Variants in CDKAL1 observed in about 807,000 individuals in gnomAD.
CDKAL1 encodes CDKAL1 threonylcarbamoyladenosine tRNA methylthiotransferase.
CDKAL1 carries 32 observed loss-of-function variants against 68.2 expected under a neutral mutation model. The observed-to-expected ratio is 0.47, with a 90% CI of 0.35 to 0.63. The LOEUF (loss-of-function observed/expected upper bound fraction) is 0.63. Ranked by LOEUF, CDKAL1 falls within the 30% of genes least tolerant of loss-of-function variation. CDKAL1 has a pLI of 0.00. For missense variants in CDKAL1, 606 were observed against 696.7 expected, an observed-to-expected ratio of 0.87 and a Z score of 1.47; for synonymous variants, 234 against 244.3, an observed-to-expected ratio of 0.96 and a Z score of 0.39.
At chr6:20,769,235 T>C (rs1008250108) in intron 7 of CDKAL1, among the ~76,000 whole-genome samples, 8 of 150,936 alleles carry the variant, frequency 5.3e-5, no homozygotes, top group African/African-American at 1.9e-4. Context: ...ATTTAAGATG[T>C]CATTCACAAA....
chr6:20,952,747 C>T (rs1429778638), intron 9 of CDKAL1, among the ~76,000 whole-genome samples: 1 of 152,248 alleles, frequency 6.6e-6, no homozygotes, highest in East Asian at 1.9e-4. Flanking sequence ...CTGAAGCCCT[C>T]AGGTGCTCTG....
intron 10 of CDKAL1, among the ~76,000 whole-genome samples, chr6:20,968,851 G>T (rs1392839216): frequency 1.3e-5 from 2 of 151,734 alleles, no homozygotes; most frequent in Non-Finnish European, 2.9e-5. Context: ...TTAGTTTTTT[G>T]ATCATATTTA....
At chr6:20,834,833 G>A (rs575944364) in intron 8 of CDKAL1, among the ~76,000 whole-genome samples, 2 of 152,230 alleles carry the variant, frequency 1.3e-5, no homozygotes, top group South Asian at 4.2e-4. Flanking sequence ...TTATGGATGA[G>A]GACAGGAAGC....
chr6:20,584,430 A>G (rs1441485797), intron 4 of CDKAL1, among the ~76,000 whole-genome samples: 1 of 152,182 alleles, frequency 6.6e-6, no homozygotes, highest in Non-Finnish European at 1.5e-5. Context: ...GATATTAGAC[A>G]GGAAGTGCTT....
chr6:20,547,032 G>A (rs1326082057), intron 3 of CDKAL1, among the ~76,000 whole-genome samples: 1 of 151,618 alleles, frequency 6.6e-6, no homozygotes, highest in African/African-American at 2.4e-5. Flanking sequence ...TTTGGATTTC[G>A]GAATATTTGC....
chr6:20,602,008 G>C (rs1332845717), intron 4 of CDKAL1, among the ~76,000 whole-genome samples: 6 of 152,190 alleles, frequency 3.9e-5, no homozygotes, highest in Non-Finnish European at 8.8e-5. Context: ...TCTGCTGACA[G>C]TTAATAATAG....
chr6:20,931,642 T>A (rs1442035993), intron 9 of CDKAL1, among the ~76,000 whole-genome samples: 1 of 152,146 alleles, frequency 6.6e-6, no homozygotes, highest in Non-Finnish European at 1.5e-5. Flanking sequence ...GGAAAAAAAA[T>A]TTGGAAAACA....
intron 13 of CDKAL1, among the ~76,000 whole-genome samples, chr6:21,161,436 G>A (rs571737679): frequency 6.6e-5 from 10 of 152,162 alleles, no homozygotes; most frequent in Non-Finnish European, 1.5e-4. Context: ...GGTGCATGCT[G>A]TAGCTCTCTT....
At chr6:21,117,299 T>C (rs1311991406) in intron 13 of CDKAL1, among the ~76,000 whole-genome samples, 1 of 152,068 alleles carries the variant, frequency 6.6e-6, no homozygotes, top group Non-Finnish European at 1.5e-5. Flanking sequence ...TTTTTTTTTT[T>C]TTTTAGAATG....
At chr6:21,129,339 T>C (rs539782446) in intron 13 of CDKAL1, among the ~76,000 whole-genome samples, 2 of 152,134 alleles carry the variant, frequency 1.3e-5, no homozygotes, top group East Asian at 1.9e-4. Flanking sequence ...CAGCTGGAAA[T>C]CTAAAGGAGA....
At chr6:20,713,024 G>A (rs946365195) in intron 5 of CDKAL1, among the ~76,000 whole-genome samples, 2 of 151,084 alleles carry the variant, frequency 1.3e-5, no homozygotes, top group South Asian at 4.2e-4. Context: ...AAGGACTTGT[G>A]ATCATGTAGT....
intron 9 of CDKAL1, among the ~76,000 whole-genome samples, chr6:20,879,346 G>A (rs972376027): frequency 2.0e-5 from 3 of 152,308 alleles, no homozygotes; most frequent in East Asian, 1.9e-4. Flanking sequence ...TGGTCAGGAG[G>A]AGTAGAGTAC....
chr6:20,592,135 T>A (rs577439759), intron 4 of CDKAL1, among the ~76,000 whole-genome samples: 27 of 152,338 alleles, frequency 1.8e-4, no homozygotes, highest in Non-Finnish European at 3.1e-4. Context: ...TTGTAGCAAT[T>A]GTGAATGGGA....
intron 8 of CDKAL1, among the ~76,000 whole-genome samples, chr6:20,826,491 T>C (rs1777507603): frequency 1.3e-5 from 2 of 152,130 alleles, no homozygotes; most frequent in African/African-American, 4.8e-5. Flanking sequence ...CATGTGCCTA[T>C]CTCCCTTCTT....
At chr6:20,877,927 A>G (rs1306689636) in intron 9 of CDKAL1, among the ~76,000 whole-genome samples, 4 of 152,136 alleles carry the variant, frequency 2.6e-5, no homozygotes, top group Non-Finnish European at 5.9e-5. Flanking sequence ...TGTCAAATGC[A>G]CTTACTTATA....
chr6:20,694,312 A>C (rs1193847086), intron 5 of CDKAL1, among the ~76,000 whole-genome samples: 1 of 152,086 alleles, frequency 6.6e-6, no homozygotes. Context: ...CAAAGTGCTG[A>C]GATTACAGGC....
rs79197616 is a variant in CDKAL1, at chr6:20,766,847, G to T, written c.517+8204G>T. Among the ~76,000 whole-genome samples, 1,156 of 152,120 alleles carry T rather than the reference G, an allele frequency of 7.6e-3. 21 individuals carry two copies. The highest frequency in any genetic ancestry group is 0.026 in the African/African-American group (1,082 of 41,522). ...ATAAATAAAGCATCAATCCCAGAAA[G>T]AATTTGTATTATACCTAAATGTTAT... On this transcript the variant is annotated intron_variant, in intron 7 of 15. Coordinates refer to ENST00000274695, the MANE Select transcript of CDKAL1 (RefSeq NM_017774.3).
At chr6:21,225,278 G>T (rs1174746030) in intron 15 of CDKAL1, among the ~76,000 whole-genome samples, 1 of 152,148 alleles carries the variant, frequency 6.6e-6, no homozygotes, top group Non-Finnish European at 1.5e-5. Context: ...GGAGGCAGGG[G>T]CGGGTGATGG....
intron 13 of CDKAL1, among the ~76,000 whole-genome samples, chr6:21,131,704 G>C (rs1775330566): frequency 6.6e-6 from 1 of 152,176 alleles, no homozygotes; most frequent in Non-Finnish European, 1.5e-5. Context: ...AAATGTTATT[G>C]ATCAGTTCAG....
Sources: allele counts gnomAD v4.1 joint callset (sites outside exome capture counted in the v4.1 genomes callset), GRCh38; gene constraint gnomAD v4.1.1; transcripts MANE v1.5; gene names NCBI Gene and HGNC (gene_info 2026-07-23, HGNC 2026-07-21).